YIPF7: variants seen among roughly 807,000 people sequenced by gnomAD.
YIPF7 encodes Yip1 domain family member 7.
In YIPF7, 35 loss-of-function variants were observed where a neutral mutation model predicts 27.2. The ratio of observed to expected loss-of-function variants is 1.29; its 90% CI spans 0.98 to 1.70. YIPF7 has a LOEUF of 1.70. YIPF7 is among the 40% of genes most tolerant of loss of function. YIPF7 has a pLI of 0.00. For missense variants in YIPF7, 358 were observed against 303.7 expected (o/e 1.18, Z -1.33); for synonymous variants, 137 against 110.4 (o/e 1.24, Z -1.51).
chr4:44,653,855 T>C (rs1309423934), upstream of YIPF7, among the ~76,000 whole-genome samples: 1 of 152,126 alleles, frequency 6.6e-6, no homozygotes, highest in Non-Finnish European at 1.5e-5. Flanking sequence ...TACATTCTTT[T>C]TTTTGACGTA....
chr4:44,623,384 G>A lies in YIPF7; in HGVS notation c.609-808C>T, dbSNP rs528117756. On this transcript the variant is annotated intron_variant, in intron 5 of 5. Coordinates refer to ENST00000415895, the MANE Select transcript of YIPF7 (RefSeq NM_182592.3). ...ACTGCCCAGTTTTAAAGCATAAAGT[G>A]ATGATAAAAATTGCATGGCAAAGTG... is the stretch of plus-strand genomic sequence containing the variant. Among the ~76,000 whole-genome samples the A allele has an allele frequency of 3.0e-4, 46 of 152,270 alleles. No individual in the cohort carries two copies. In the Middle Eastern group the frequency reaches 0.01, roughly 34 times the overall value.
chr4:44,641,270 AG>A (rs1472707655), intron 2 of YIPF7, among the ~76,000 whole-genome samples: 2 of 152,066 alleles, frequency 1.3e-5, no homozygotes, highest in African/African-American at 4.8e-5. Context: ...ATATATTAGA[AG>A]TGTGATTGTC....
chr4:44,652,655 G>T (rs1319473749), upstream of YIPF7, among the ~76,000 whole-genome samples: 1 of 152,122 alleles, frequency 6.6e-6, no homozygotes, highest in Non-Finnish European at 1.5e-5. Flanking sequence ...AGGACATACT[G>T]TTGAGTTCCA....
At chr4:44,646,392 TAGA>T (rs937013299) in intron 2 of YIPF7, among the ~76,000 whole-genome samples, 13 of 152,316 alleles carry the variant, frequency 8.5e-5, no homozygotes, top group African/African-American at 3.1e-4. Context: ...TTTGAAATAC[TAGA>T]AGATCAGGTC....
intron 2 of YIPF7, among the ~76,000 whole-genome samples, chr4:44,643,341 T>G (rs947726489): frequency 1.3e-5 from 2 of 152,180 alleles, no homozygotes; most frequent in African/African-American, 4.8e-5. Flanking sequence ...CAGTAAAGCC[T>G]TCAAGATATG....
upstream of YIPF7, chr4:44,651,762 A>G: frequency 6.2e-6 from 3 of 485,970 alleles, no homozygotes; most frequent in Non-Finnish European, 1.1e-5. Context: ...ATTATGGTTT[A>G]CAAACACAGT....
upstream of YIPF7, among the ~76,000 whole-genome samples, chr4:44,656,098 G>C (rs1236070659): frequency 6.6e-6 from 1 of 151,818 alleles, no homozygotes; most frequent in East Asian, 1.9e-4. Flanking sequence ...TTCTTATTAA[G>C]TTTTTAGTTT....
rs1347606359 is a variant in YIPF7 at position 44,624,708 on chromosome 4, G to T, written c.501C>A (p.Asn167Lys). 4.3e-6 allele frequency: 7 copies of T among 1,610,742 alleles called. No homozygotes were observed. Among genetic ancestry groups the T allele is most frequent in the Admixed American group, 1.7e-5 (1 of 59,710 alleles). Residue 167 changes from asparagine to lysine, a missense_variant, in exon 5 of 6, where the codon AAC becomes AAA. Physicochemically the swap from Asn to Lys is moderately conservative, Grantham distance 94. Transcript: ENST00000415895. The stretch of plus-strand genomic sequence containing the variant: ...ACGACACCCCTGAAGAGCTCATCAG[G>T]TTCAGCAAGGCATGAATCACAAGGC... ...IGCLVIHALL[N>K]LMSSSGVSYG...
At chr4:44,635,001 A>T (rs1262601428) in intron 3 of YIPF7, among the ~76,000 whole-genome samples, 3 of 152,208 alleles carry the variant, frequency 2.0e-5, no homozygotes, top group Non-Finnish European at 4.4e-5. Flanking sequence ...AACAGTTTAA[A>T]TCTTTCATGT....
intron 2 of YIPF7, among the ~76,000 whole-genome samples, chr4:44,649,746 C>T (rs1354816472): frequency 6.6e-6 from 1 of 152,124 alleles, no homozygotes; most frequent in Non-Finnish European, 1.5e-5. Context: ...CCACTGCACT[C>T]CACTGCACTC....
chr4:44,656,893 ATTAC>A (rs983478344), intron 2 of YIPF7, among the ~76,000 whole-genome samples: 2 of 152,164 alleles, frequency 1.3e-5, no homozygotes, highest in Admixed American at 6.5e-5. Flanking sequence ...TTGTCCAAGT[ATTAC>A]TTACTATTTT....
intron 1 of YIPF7, among the ~76,000 whole-genome samples, chr4:44,651,228 G>A (rs1435548474): frequency 4.6e-5 from 7 of 152,062 alleles, no homozygotes; most frequent in Non-Finnish European, 8.8e-5. Context: ...TAGATGCAGC[G>A]ATTCATACAT....
At chr4:44,657,113 T>A (rs1316243693) in intron 2 of YIPF7, among the ~76,000 whole-genome samples, 1 of 152,204 alleles carries the variant, frequency 6.6e-6, no homozygotes, top group Non-Finnish European at 1.5e-5. Context: ...AATTTTATTA[T>A]GATCAGCAGG....
chr4:44,624,083 G>A (rs1208794919), intron 5 of YIPF7, among the ~76,000 whole-genome samples: 2 of 116,258 alleles, frequency 1.7e-5, no homozygotes, highest in Non-Finnish European at 3.5e-5. Flanking sequence ...TTTTTATTTT[G>A]AGGTGGAGTT....
At chr4:44,662,184 G>A (rs942455789) in intron 1 of YIPF7, among the ~76,000 whole-genome samples, 1 of 152,144 alleles carries the variant, frequency 6.6e-6, no homozygotes, top group African/African-American at 2.4e-5. Flanking sequence ...TATATATACT[G>A]TTTCTTCCTA....
At position 44,644,513 on chromosome 4, in the gene YIPF7, C is replaced by CT. The variant is rs779944322; in HGVS notation, c.116+5471dup. Among the ~76,000 whole-genome samples, 11 of 152,088 alleles carry CT rather than the reference C, an allele frequency of 7.2e-5. No individual in the cohort carries two copies. The East Asian group carries it at 1.9e-3, about 27-fold the overall frequency. On this transcript the variant is annotated intron_variant, in intron 2 of 5. Coordinates refer to ENST00000415895, the MANE Select transcript of YIPF7 (RefSeq NM_182592.3). Reference sequence around the variant, plus strand: ...GTTTTAAACTTGCATGGGACATTCCCTTTTTTTGGCCAATTTATCCCTTTT... The same window carrying CT: ...GTTTTAAACTTGCATGGGACATTCCCTTTTTTTTGGCCAATTTATCCCTTTT...
chr4:44,635,663 G>A (rs1428866046), intron 3 of YIPF7, among the ~76,000 whole-genome samples: 6 of 152,224 alleles, frequency 3.9e-5, no homozygotes, highest in South Asian at 2.1e-4. Context: ...CAAGGAGTTC[G>A]AATTTAAGAA....
At chr4:44,657,551 T>G (rs545530462) in intron 2 of YIPF7, among the ~76,000 whole-genome samples, 1 of 152,290 alleles carries the variant, frequency 6.6e-6, no homozygotes, top group South Asian at 2.1e-4. Context: ...TGTGAAAAAC[T>G]AATGCTTGGA....
chr4:44,655,415 C>T (rs542444395), upstream of YIPF7, among the ~76,000 whole-genome samples: 3 of 152,082 alleles, frequency 2.0e-5, no homozygotes, highest in Admixed American at 1.3e-4. Context: ...TCTTTGATTA[C>T]TCTGTTTCTT....
Sources: gnomAD v4.1 joint callset for allele counts (sites outside exome capture counted in the v4.1 genomes callset) on GRCh38, gnomAD v4.1.1 for gene constraint, MANE v1.5 for transcripts, NCBI Gene and HGNC (gene_info 2026-07-23, HGNC 2026-07-21) for gene names.